SEMA6D: variants seen among roughly 807,000 people sequenced by gnomAD.
SEMA6D encodes semaphorin 6D, also known as semaphorin-6D.
In SEMA6D, 35 loss-of-function variants were observed where a neutral mutation model predicts 106.6. The ratio of observed to expected loss-of-function variants is 0.33; its 90% confidence interval spans 0.25 to 0.44. The LOEUF is 0.44. SEMA6D is among the 20% of genes least tolerant of loss of function. SEMA6D has a pLI of 1.00. For synonymous variants in SEMA6D, 499 were observed against 487.7 expected, an observed-to-expected ratio of 1.02 and a Z score of -0.31; for missense variants, 1,185 against 1,345.9, an observed-to-expected ratio of 0.88 and a Z score of 1.87.
intron 1 of SEMA6D, among the ~76,000 whole-genome samples, chr15:47,753,901 A>G (rs1327276195): frequency 6.6e-6 from 1 of 152,162 alleles, no homozygotes; most frequent in Non-Finnish European, 1.5e-5. Flanking sequence ...GCATCTTGGG[A>G]TGAGAGCTAG....
intron 4 of SEMA6D, among the ~76,000 whole-genome samples, chr15:47,660,978 C>T (rs1427485729): frequency 1.3e-5 from 2 of 152,136 alleles, no homozygotes; most frequent in Non-Finnish European, 2.9e-5. Flanking sequence ...TGGAGCAGGT[C>T]GGTTTTGAAC....
intron 4 of SEMA6D, among the ~76,000 whole-genome samples, chr15:47,648,944 A>G (rs1420737704): frequency 6.6e-6 from 1 of 152,216 alleles, no homozygotes; most frequent in Non-Finnish European, 1.5e-5. Flanking sequence ...AAATATTGAC[A>G]ACAGCAAGTG....
At chr15:47,545,520 A>G (rs1765268714) in intron 3 of SEMA6D, among the ~76,000 whole-genome samples, 1 of 152,176 alleles carries the variant, frequency 6.6e-6, no homozygotes, top group African/African-American at 2.4e-5. Context: ...TTAATAACTA[A>G]TAGCTCAGAA....
In SEMA6D at chr15:47,752,988, A is replaced by AGTGAGCCAAGGTTGCACCACTG. The variant is rs1291490801; in HGVS notation, c.-54-6757_-54-6756insGTGAGCCAAGGTTGCACCACTG. On this transcript the variant is annotated intron_variant, in intron 1 of 18. Coordinates refer to ENST00000536845, the MANE Select transcript of SEMA6D (RefSeq NM_001358351.3). ...TGCACCACTGCACTCCACCCTGGGC[A>AGTGAGCCAAGGTTGCACCACTG]ACAGAGCAAGACACTGTCAAAAAAA... Among the ~76,000 whole-genome samples the AGTGAGCCAAGGTTGCACCACTG allele has an allele frequency of 2.0e-3, 308 of 151,486 alleles. 6 individuals carry two copies. The East Asian group carries it at 0.052, about 25-fold the overall frequency.
At chr15:47,247,093 A>G (rs2033249727) in intron 1 of SEMA6D, among the ~76,000 whole-genome samples, 1 of 152,226 alleles carries the variant, frequency 6.6e-6, no homozygotes, top group African/African-American at 2.4e-5. Flanking sequence ...GCTAACTGCA[A>G]GTAGAAAAAC....
chr15:47,379,814 A>G lies in SEMA6D; in HGVS notation c.-238-32579A>G, dbSNP rs540069524. Among the ~76,000 whole-genome samples the G allele has an allele frequency of 1.2e-4, 19 of 152,164 alleles. No individual in the cohort carries two copies. The South Asian group carries it at 3.9e-3, about 32-fold the overall frequency. On this transcript the variant is annotated intron_variant, in intron 1 of 19. Coordinates refer to the SEMA6D transcript ENST00000558014. ...CTCTCGTTGCCCAGGCTGGAGTGCA[A>G]TGGCGCAATCTCGGCTCACAGCAAC... is the stretch of plus-strand genomic sequence containing the variant.
intron 4 of SEMA6D, among the ~76,000 whole-genome samples, chr15:47,709,362 C>G (rs544361677): frequency 1.3e-5 from 2 of 152,238 alleles, no homozygotes; most frequent in Admixed American, 6.5e-5. Context: ...AATAAACAGT[C>G]CCTTTATTAA....
intron 3 of SEMA6D, among the ~76,000 whole-genome samples, chr15:47,489,169 G>A (rs1441894316): frequency 6.6e-6 from 1 of 152,122 alleles, no homozygotes; most frequent in Admixed American, 6.5e-5. Flanking sequence ...AGAGACACAG[G>A]CAGAGACTGG....
chr15:47,492,237 A>T (rs536803805), intron 3 of SEMA6D, among the ~76,000 whole-genome samples: 1 of 152,342 alleles, frequency 6.6e-6, no homozygotes, highest in Admixed American at 6.5e-5. Context: ...ACTGAAAAAT[A>T]GATAAATCTA....
At chr15:47,636,931 T>C (rs934182056) in intron 4 of SEMA6D, among the ~76,000 whole-genome samples, 1 of 152,196 alleles carries the variant, frequency 6.6e-6, no homozygotes, top group African/African-American at 2.4e-5. Context: ...TAGGCTGGGC[T>C]ATGTGAACAC....
intron 2 of SEMA6D, among the ~76,000 whole-genome samples, chr15:47,457,397 G>A (rs1296100342): frequency 6.6e-6 from 1 of 151,778 alleles, no homozygotes; most frequent in Admixed American, 6.6e-5. Flanking sequence ...AAAAAACACA[G>A]ATGAAAGTAT....
intron 3 of SEMA6D, among the ~76,000 whole-genome samples, chr15:47,552,807 A>AT (rs2045751223): frequency 2.3e-4 from 3 of 13,060 alleles, no homozygotes; most frequent in South Asian, 3.9e-3. Flanking sequence ...TATATATAAA[A>AT]ATATATATAA....
At chr15:47,738,969 A>G (rs2080624139) in intron 1 of SEMA6D, among the ~76,000 whole-genome samples, 3 of 152,166 alleles carry the variant, frequency 2.0e-5, no homozygotes, top group African/African-American at 7.2e-5. Context: ...CCTATGGGCC[A>G]CTTCATGAGG....
At chr15:47,686,919 A>G (rs1416534523) in intron 4 of SEMA6D, among the ~76,000 whole-genome samples, 2 of 151,964 alleles carry the variant, frequency 1.3e-5, no homozygotes, top group African/African-American at 4.8e-5. Context: ...TGAAAAAATC[A>G]TCTAAGAGGG....
chr15:47,424,302 G>A (rs1022090147), intron 2 of SEMA6D, among the ~76,000 whole-genome samples: 33 of 150,416 alleles, frequency 2.2e-4, no homozygotes, highest in African/African-American at 7.8e-4. Flanking sequence ...GAAGGATTGA[G>A]AATATATACA....
chr15:47,750,711 A>G (rs1375938601), intron 1 of SEMA6D, among the ~76,000 whole-genome samples: 1 of 152,260 alleles, frequency 6.6e-6, no homozygotes, highest in Non-Finnish European at 1.5e-5. Flanking sequence ...TGTCAGTAAC[A>G]TAACAGTGCT....
intron 1 of SEMA6D, among the ~76,000 whole-genome samples, chr15:47,756,358 C>G: frequency 6.6e-6 from 1 of 151,538 alleles, no homozygotes. Flanking sequence ...CACCTTTTTG[C>G]CAGACAAGAC....
At chr15:47,634,034 A>C (rs764638904) in intron 4 of SEMA6D, among the ~76,000 whole-genome samples, 1 of 152,154 alleles carries the variant, frequency 6.6e-6, no homozygotes. Flanking sequence ...ATCTATATCA[A>C]GAGAATTTGT....
At chr15:47,701,452 G>T (rs766922693) in intron 4 of SEMA6D, among the ~76,000 whole-genome samples, 12 of 152,074 alleles carry the variant, frequency 7.9e-5, no homozygotes, top group Admixed American at 3.3e-4. Context: ...GTACAACATG[G>T]TGACTATAGT....
Sources: gnomAD v4.1 joint callset for allele counts (sites outside exome capture counted in the v4.1 genomes callset) on GRCh38, gnomAD v4.1.1 for gene constraint, MANE v1.5 for transcripts, NCBI Gene and HGNC (gene_info 2026-07-23, HGNC 2026-07-21) for gene names.